The following ZNF124 variants were observed in gnomAD, a reference collection of about 807,000 sequenced individuals.
The protein encoded by ZNF124 is zinc finger protein HZF-16.
ZNF124 carries 25 observed loss-of-function variants against 26.6 expected under a neutral mutation model. The ratio of observed to expected loss-of-function variants is 0.94; its 90% CI spans 0.68 to 1.31. The LOEUF is 1.31. Among genes scored for constraint, ZNF124 ranks in the 40% most tolerant of loss-of-function variants. The probability of loss-of-function intolerance (pLI) is 0.00; values close to 1 mark genes in which losing one functional copy is unlikely to be tolerated. For synonymous variants in ZNF124, 129 were observed against 133.3 expected (o/e 0.97, Z 0.22); for missense variants, 444 against 422.2 (o/e 1.05, Z -0.45).
chr1:247,164,820 CAA>C (rs1177261405), intron 1 of ZNF124, among the ~76,000 whole-genome samples: 1 of 152,106 alleles, frequency 6.6e-6, no homozygotes, highest in East Asian at 1.9e-4. Flanking sequence ...GCAAGAAGAA[CAA>C]AGTTTGGAGG....
chr1:247,122,835 A>G (rs1355205365), exon 4 of ZNF124: 2 of 152,214 alleles, frequency 1.3e-5, no homozygotes, highest in Non-Finnish European at 2.9e-5. Context: ...GGTGCTACAG[A>G]GAGATGTTTC....
At chr1:247,137,759 A>G (rs1343713713) in intron 3 of ZNF124, among the ~76,000 whole-genome samples, 1 of 152,194 alleles carries the variant, frequency 6.6e-6, no homozygotes, top group Non-Finnish European at 1.5e-5. Flanking sequence ...AAATATATTT[A>G]CAAGAAAAAA....
At chr1:247,142,103 G>T (rs1310926511) in intron 3 of ZNF124, among the ~76,000 whole-genome samples, 1 of 152,146 alleles carries the variant, frequency 6.6e-6, no homozygotes, top group Non-Finnish European at 1.5e-5. Context: ...AGAAAGATAG[G>T]ACCAGCCCTT....
chr1:247,150,741 A>G (rs1231523261), downstream of ZNF124, among the ~76,000 whole-genome samples: 1 of 152,018 alleles, frequency 6.6e-6, no homozygotes, highest in Non-Finnish European at 1.5e-5. Context: ...ACTGGAAAAA[A>G]TGGAATTCCT....
downstream of ZNF124, among the ~76,000 whole-genome samples, chr1:247,154,854 T>C (rs141451912): frequency 3.9e-4 from 59 of 152,284 alleles, no homozygotes; most frequent in African/African-American, 1.4e-3. Context: ...AGTCAATTAA[T>C]GTGATATACC....
intron 3 of ZNF124, among the ~76,000 whole-genome samples, chr1:247,130,990 C>T (rs996487114): frequency 6.6e-6 from 1 of 152,176 alleles, no homozygotes; most frequent in East Asian, 1.9e-4. Context: ...GCAGGAGAAT[C>T]GCTTGAACCC....
chr1:247,151,871 A>G (rs917186828), downstream of ZNF124, among the ~76,000 whole-genome samples: 5 of 151,812 alleles, frequency 3.3e-5, no homozygotes, highest in Non-Finnish European at 7.4e-5. Context: ...AAAACAACCT[A>G]CTGGATTTTA....
chr1:247,140,824 G>A (rs565067739), intron 3 of ZNF124, among the ~76,000 whole-genome samples: 1 of 152,286 alleles, frequency 6.6e-6, no homozygotes, highest in East Asian at 1.9e-4. Flanking sequence ...GCTTGGTCAT[G>A]TGGCTCCCCT....
At chr1:247,154,577 C>A (rs1320104901), downstream of ZNF124, among the ~76,000 whole-genome samples, 1 of 152,152 alleles carries the variant, frequency 6.6e-6, no homozygotes, top group Non-Finnish European at 1.5e-5. Flanking sequence ...ACTCAAATTT[C>A]TTTCAATATA....
intron 3 of ZNF124, among the ~76,000 whole-genome samples, chr1:247,125,872 T>C (rs1315522322): frequency 6.6e-6 from 1 of 152,178 alleles, no homozygotes; most frequent in Non-Finnish European, 1.5e-5. Flanking sequence ...TTAGTCCAAG[T>C]AAAATAATCC....
intron 3 of ZNF124, among the ~76,000 whole-genome samples, chr1:247,125,477 T>G (rs1006145220): frequency 9.8e-6 from 1 of 102,546 alleles, no homozygotes; most frequent in Non-Finnish European, 2.0e-5. Context: ...CAGAGTTTCC[T>G]CTTTCGCCCA....
chr1:247,167,238 C>T (rs1673831142), intron 1 of ZNF124, among the ~76,000 whole-genome samples: 1 of 152,142 alleles, frequency 6.6e-6, no homozygotes, highest in Non-Finnish European at 1.5e-5. Flanking sequence ...GGTAGAGAAC[C>T]TCTGCTTTTA....
chr1:247,152,281 T>G (rs1266765831), downstream of ZNF124, among the ~76,000 whole-genome samples: 2 of 149,266 alleles, frequency 1.3e-5, no homozygotes, highest in African/African-American at 2.4e-5. Context: ...AGCTACAATT[T>G]CTAGGTTAAA....
intron 3 of ZNF124, among the ~76,000 whole-genome samples, chr1:247,146,289 C>A (rs1672777683): frequency 6.6e-6 from 1 of 152,198 alleles, no homozygotes; most frequent in Admixed American, 6.5e-5. Context: ...AAGATAGATT[C>A]CGATTTTCCC....
Position 247,156,770 on chromosome 1 carries a change from A to T in ZNF124, c.852T>A (p.His284Gln). The change falls in exon 4 of 4, where the codon CAT becomes CAA. Residue 284 changes from histidine to glutamine, a missense_variant. Coordinates refer to ENST00000543802, the MANE Select transcript of ZNF124 (RefSeq NM_001297568.2). ...ASSLQKHEKT[H>Q]IAQKPYVCNN... ...TACATACATAGGGTTTCTGTGCAAT[A>T]TGAGTTTTCTCGTGTTTCTGAAGGG... 1 of 1,613,048 alleles carries T rather than the reference A, an allele frequency of 6.2e-7. No individual in the cohort carries two copies. Among genetic ancestry groups the T allele is most frequent in the African/African-American group, 1.3e-5 (1 of 74,816 alleles).
chr1:247,133,405 G>A (rs1016824002), intron 3 of ZNF124, among the ~76,000 whole-genome samples: 1 of 152,086 alleles, frequency 6.6e-6, no homozygotes, highest in Admixed American at 6.5e-5. Flanking sequence ...AACCTAGCAA[G>A]ACAGGCCAAC....
chr1:247,158,978 A>C, intron 3 of ZNF124, 28 bp downstream of exon 3: 1 of 1,601,162 alleles, frequency 6.2e-7, no homozygotes. Context: ...CCCAAGGGGG[A>C]CTGCTTCCTC....
chr1:247,139,682 A>G (rs1431006369), intron 3 of ZNF124, among the ~76,000 whole-genome samples: 1 of 152,162 alleles, frequency 6.6e-6, no homozygotes, highest in African/African-American at 2.4e-5. Flanking sequence ...CTCATAAGGC[A>G]GGTCTGGTGG....
intron 3 of ZNF124, among the ~76,000 whole-genome samples, chr1:247,147,069 C>A (rs937588779): frequency 6.6e-6 from 1 of 151,842 alleles, no homozygotes; most frequent in Non-Finnish European, 1.5e-5. Context: ...TCAGCAAGCT[C>A]ATTCTGTGCA....
Sources: allele counts gnomAD v4.1 joint callset (sites outside exome capture counted in the v4.1 genomes callset), GRCh38; gene constraint gnomAD v4.1.1; transcripts MANE v1.5; gene names NCBI Gene and HGNC (gene_info 2026-07-23, HGNC 2026-07-21).